FHL5: variants seen among roughly 807,000 people sequenced by gnomAD.
The protein encoded by FHL5 is four and a half LIM domains 5, also known as four and a half LIM domains protein 5.
Under a neutral mutation model 32.0 loss-of-function variants are expected in FHL5, and 33 were observed. That is an observed-to-expected ratio of 1.03 (90% CI 0.78 to 1.38). The LOEUF is 1.38. FHL5 is among the 40% of genes most tolerant of loss of function. The pLI, the probability that FHL5 is intolerant of heterozygous loss-of-function variation, is 0.00. For missense variants in FHL5, 336 were observed against 343.9 expected (o/e 0.98, Z 0.18); for synonymous variants, 114 against 113.6 (o/e 1.00, Z -0.02).
chr6:96,570,717 A>G (rs540808366), intron 1 of FHL5, among the ~76,000 whole-genome samples: 13 of 152,176 alleles, frequency 8.5e-5, no homozygotes, highest in African/African-American at 2.4e-4. Flanking sequence ...CTGACTGGGT[A>G]ACTTCAAAAG....
intron 1 of FHL5, among the ~76,000 whole-genome samples, chr6:96,584,079 A>T (rs1195621526): frequency 6.6e-6 from 1 of 152,190 alleles, no homozygotes; most frequent in Non-Finnish European, 1.5e-5. Context: ...TGAGATACAG[A>T]GATAAAGTAA....
At chr6:96,608,761 G>C (rs1317330451) in intron 4 of FHL5, among the ~76,000 whole-genome samples, 4 of 152,110 alleles carry the variant, frequency 2.6e-5, no homozygotes, top group Admixed American at 2.6e-4. Context: ...TCAATCAGTG[G>C]TGAAAACCAA....
chr6:96,578,124 G>A (rs1392848445), intron 1 of FHL5, among the ~76,000 whole-genome samples: 2 of 152,106 alleles, frequency 1.3e-5, no homozygotes, highest in African/African-American at 4.8e-5. Flanking sequence ...GCAGCATTAA[G>A]AGGCTTTATC....
Position 96,618,066 on chromosome 6 carries a change from A to G in FHL5, c.*2294A>G, listed in dbSNP as rs1194528933. 6.6e-6 allele frequency among the ~76,000 whole-genome samples: 1 copy of G among 152,234 alleles called. No homozygotes were observed. The highest frequency in any genetic ancestry group is 1.5e-5 in the Non-Finnish European group (1 of 68,040). On this transcript the variant is annotated 3_prime_UTR_variant, in exon 6 of 6. Transcript: ENST00000450218. The stretch of plus-strand genomic sequence containing the variant: ...TGCAAAGATCCTTGCCTGCAGGTTA[A>G]ACAAAGCACCACATATGTAGACATA...
At chr6:96,587,537 T>C (rs1389668224) in intron 1 of FHL5, among the ~76,000 whole-genome samples, 1 of 152,196 alleles carries the variant, frequency 6.6e-6, no homozygotes. Context: ...TATCTCTTAA[T>C]TCCACTTCTA....
At chr6:96,600,477 T>G (rs1046200874) in intron 1 of FHL5, among the ~76,000 whole-genome samples, 4 of 152,112 alleles carry the variant, frequency 2.6e-5, no homozygotes, top group African/African-American at 9.7e-5. Flanking sequence ...TTTCCTTGCT[T>G]CTTTTCTTCA....
At chr6:96,567,749 T>C (rs2127957803) in intron 1 of FHL5, among the ~76,000 whole-genome samples, 1 of 143,010 alleles carries the variant, frequency 7.0e-6, no homozygotes, top group South Asian at 2.2e-4. Context: ...GTAGCTATTA[T>C]AAATGCAATT....
chr6:96,617,683 T>C lies in FHL5; in HGVS notation c.*1911T>C, dbSNP rs542532310. On this transcript the variant is annotated 3_prime_UTR_variant, in exon 6 of 6. Coordinates refer to ENST00000450218, the MANE Select transcript of FHL5 (RefSeq NM_001322466.2). ...CTTAGGTTTAGATAGATATATAACATGTAACATCTTCTCTGTTAACCAATT... is the reference window on the plus strand; with the variant it reads ...CTTAGGTTTAGATAGATATATAACACGTAACATCTTCTCTGTTAACCAATT... Among the ~76,000 whole-genome samples the C allele has an allele frequency of 2.6e-5, 4 of 152,316 alleles. No individual in the cohort carries two copies. The South Asian group carries it at 6.2e-4, about 24-fold the overall frequency.
intron 1 of FHL5, among the ~76,000 whole-genome samples, chr6:96,594,502 A>T (rs1770995685): frequency 6.6e-6 from 1 of 151,712 alleles, no homozygotes; most frequent in Admixed American, 6.6e-5. Context: ...GGGTTCAAAT[A>T]GTATTAAAGA....
At chr6:96,587,496 T>C (rs1770822929) in intron 1 of FHL5, among the ~76,000 whole-genome samples, 1 of 151,890 alleles carries the variant, frequency 6.6e-6, no homozygotes, top group South Asian at 2.1e-4. Flanking sequence ...ATGGAGCTTA[T>C]GTTGAGAAAT....
intron 2 of FHL5, 100 bp downstream of exon 2, chr6:96,603,872 T>C (rs1771211373): frequency 1.1e-6 from 1 of 899,896 alleles, no homozygotes; most frequent in Non-Finnish European, 1.7e-6. Flanking sequence ...ACACTATTTC[T>C]CTGCTACTGG....
rs1296131201 is a variant in FHL5, at chr6:96,616,483, C to T, written c.*711C>T. On this transcript the variant is annotated 3_prime_UTR_variant, in exon 6 of 6. Transcript: ENST00000450218. ...GATAGCCAAAGCATGGGTTTCAACACGTTTTGTATTAAATATATTTTCAAA... is the reference window on the plus strand; with the variant it reads ...GATAGCCAAAGCATGGGTTTCAACATGTTTTGTATTAAATATATTTTCAAA... 5.9e-5 allele frequency: 9 copies of T among 152,152 alleles called. No individual in the cohort carries two copies. Among genetic ancestry groups the T allele is most frequent in the African/African-American group, 1.9e-4 (8 of 41,438 alleles). 9.4% of individuals were successfully genotyped at this position (152,152 alleles called of 1,614,324 possible).
In FHL5 at chr6:96,610,586, T is replaced by C. The variant is rs1247724680; in HGVS notation, c.519T>C (p.Gly173=). 45 of 1,613,608 alleles carry C rather than the reference T, an allele frequency of 2.8e-5. No homozygotes were observed. The highest frequency in any genetic ancestry group is 3.8e-5 in the Non-Finnish European group (45 of 1,179,644). ...GTCTTTGGCAGGTGATAACTTCAGG[T>C]GGGATAACATTTTGTGACCAGCTAT... is the stretch of plus-strand genomic sequence containing the variant. ...CNFCKKVITS[G]GITFCDQLWH... is the part of the protein sequence containing the mutation. Residue 173 remains glycine, a synonymous_variant, in exon 5 of 6, where the codon GGT becomes GGC. Transcript: ENST00000450218.
At chr6:96,593,643 T>G (rs899605484) in intron 1 of FHL5, among the ~76,000 whole-genome samples, 6 of 152,266 alleles carry the variant, frequency 3.9e-5, no homozygotes, top group South Asian at 2.1e-4. Context: ...GACCTCAATC[T>G]TTGTCCCCTT....
At chr6:96,602,533 G>A (rs1368712710) in intron 1 of FHL5, among the ~76,000 whole-genome samples, 5 of 130,124 alleles carry the variant, frequency 3.8e-5, no homozygotes, top group South Asian at 2.7e-4. Flanking sequence ...TGCAAGCTCC[G>A]CCTCCCGGGT....
chr6:96,571,867 G>A (rs986078211), intron 1 of FHL5, among the ~76,000 whole-genome samples: 8 of 152,252 alleles, frequency 5.3e-5, no homozygotes, highest in African/African-American at 1.9e-4. Context: ...GTGGTGCTCA[G>A]CAGTATCCCA....
chr6:96,603,563 T>A (rs757331333), intron 1 of FHL5, 39 bp from the exon 2 acceptor site: 76 of 1,466,634 alleles, frequency 5.2e-5, no homozygotes, highest in Admixed American at 2.1e-4. Flanking sequence ...ATAAACAAAA[T>A]TCTGCTTTTA....
In FHL5 at chr6:96,610,606, A is replaced by C. The variant is rs1562065780; in HGVS notation, c.539A>C (p.Gln180Pro). 1 of 1,614,032 alleles carries C rather than the reference A, an allele frequency of 6.2e-7. No individual in the cohort carries two copies. Among genetic ancestry groups the C allele is most frequent in the Non-Finnish European group, 8.5e-7 (1 of 1,179,888 alleles). ...TCAGGTGGGATAACATTTTGTGACC[A>C]GCTATGGCATAAAGAGTGTTTTCTG... is the stretch of plus-strand genomic sequence containing the variant. ...ITSGGITFCD[Q>P]LWHKECFLCS... The change falls in exon 5 of 6, where the codon CAG becomes CCG. Residue 180 changes from glutamine to proline, a missense_variant. Coordinates refer to ENST00000450218, the MANE Select transcript of FHL5 (RefSeq NM_001322466.2).
Position 96,615,900 on chromosome 6 carries a change from G to T in FHL5, c.*128G>T, listed in dbSNP as rs980085743. Reference sequence around the variant, plus strand: ...TGTAGTTTAGAGTGGAAAAGTTTTTGCACACATTTTGATCGAACTATATTC... The same window carrying T: ...TGTAGTTTAGAGTGGAAAAGTTTTTTCACACATTTTGATCGAACTATATTC... On this transcript the variant is annotated 3_prime_UTR_variant, in exon 6 of 6. Coordinates refer to ENST00000450218, the MANE Select transcript of FHL5 (RefSeq NM_001322466.2). 4.1e-6 allele frequency: 3 copies of T among 729,608 alleles called. No homozygotes were observed. Among genetic ancestry groups the T allele is most frequent in the Non-Finnish European group, 6.3e-6 (3 of 473,030 alleles). 45.2% of individuals were successfully genotyped at this position (729,608 alleles called of 1,614,324 possible). A position where few individuals can be genotyped will look rare whatever the true frequency, so the allele number is the denominator to read the frequency against.
Sources: gnomAD v4.1 joint callset for allele counts (sites outside exome capture counted in the v4.1 genomes callset) on GRCh38, gnomAD v4.1.1 for gene constraint, MANE v1.5 for transcripts, NCBI Gene and HGNC (gene_info 2026-07-23, HGNC 2026-07-21) for gene names.